The following ROBO1 variants were observed in gnomAD, a reference collection of about 807,000 sequenced individuals.
ROBO1 encodes roundabout homolog 1.
In ROBO1, 149 loss-of-function variants were observed where a neutral mutation model predicts 195.9. That is an observed-to-expected ratio of 0.76 (90% CI 0.67 to 0.87). The LOEUF is 0.87. ROBO1 is among the 40% of genes least tolerant of loss of function. ROBO1 has a pLI of 0.00. For synonymous variants in ROBO1, 816 were observed against 733.2 expected (o/e 1.11, Z -1.82); for missense variants, 1,933 against 2,068.3 (o/e 0.93, Z 1.27).
At position 78,598,139 on chromosome 3, in the gene ROBO1, ATTAC is replaced by A. The variant is rs1391122417; in HGVS notation, c.*770_*773del. On this transcript the variant is annotated 3_prime_UTR_variant, in exon 31 of 31. Coordinates refer to ENST00000464233, the MANE Select transcript of ROBO1 (RefSeq NM_002941.4). ...CACTTGTTTGTAATACGTATTTATA[ATTAC>A]TTTTTGATGATTGAAAAATAGAACA... 2 of 152,570 alleles carry A rather than the reference ATTAC, an allele frequency of 1.3e-5. No individual in the cohort carries two copies. The highest frequency in any genetic ancestry group is 4.8e-5 in the African/African-American group (2 of 41,440). 9.5% of individuals were successfully genotyped at this position (152,570 alleles called of 1,614,324 possible).
intron 2 of ROBO1, among the ~76,000 whole-genome samples, chr3:79,565,585 C>T (rs1576034289): frequency 1.3e-5 from 2 of 151,832 alleles, no homozygotes; most frequent in Admixed American, 1.3e-4. Context: ...ATTTTCTTAT[C>T]AAAGATCAGA....
At chr3:79,311,814 T>C (rs1311126898) in intron 2 of ROBO1, among the ~76,000 whole-genome samples, 1 of 152,188 alleles carries the variant, frequency 6.6e-6, no homozygotes, top group East Asian at 1.9e-4. Context: ...AATATTGCTA[T>C]ACTCCAGGGC....
intron 1 of ROBO1, among the ~76,000 whole-genome samples, chr3:79,643,040 A>C (rs891866748): frequency 1.3e-5 from 2 of 152,188 alleles, no homozygotes; most frequent in East Asian, 1.9e-4. Flanking sequence ...TGGGAGAGGC[A>C]GATCTACCCT....
Position 79,401,059 on chromosome 3 carries a change from T to C in ROBO1, c.88+188765A>G, listed in dbSNP as rs189069958. ...ATACTGATATCTATATGTATACCCATATTTAAATTTGAGATAAAGAAAATT... is the reference window on the plus strand; with the variant it reads ...ATACTGATATCTATATGTATACCCACATTTAAATTTGAGATAAAGAAAATT... On this transcript the variant is annotated intron_variant, in intron 2 of 30. Coordinates refer to ENST00000464233, the MANE Select transcript of ROBO1 (RefSeq NM_002941.4). Among the ~76,000 whole-genome samples, 602 of 151,990 alleles carry C rather than the reference T, an allele frequency of 4.0e-3. 8 individuals carry two copies. Among genetic ancestry groups the C allele is most frequent in the African/African-American group, 0.014 (576 of 41,534 alleles).
At chr3:78,776,345 G>C (rs761008222) in intron 4 of ROBO1, among the ~76,000 whole-genome samples, 4 of 152,072 alleles carry the variant, frequency 2.6e-5, no homozygotes, top group Non-Finnish European at 5.9e-5. Flanking sequence ...TCCACCTCCC[G>C]GGTTCAAGTG....
chr3:78,799,550 C>A (rs183715864), intron 4 of ROBO1, among the ~76,000 whole-genome samples: 1 of 152,006 alleles, frequency 6.6e-6, no homozygotes, highest in Non-Finnish European at 1.5e-5. Flanking sequence ...ACCGTGTTAG[C>A]CAGGATGGTC....
chr3:79,294,388 C>G (rs1402585344), intron 2 of ROBO1, among the ~76,000 whole-genome samples: 2 of 152,112 alleles, frequency 1.3e-5, no homozygotes, highest in Non-Finnish European at 2.9e-5. Flanking sequence ...GGAAAACTGG[C>G]TAGCCATAGG....
At chr3:78,768,094 T>C (rs1360734034) in intron 4 of ROBO1, among the ~76,000 whole-genome samples, 5 of 152,152 alleles carry the variant, frequency 3.3e-5, no homozygotes, top group East Asian at 1.9e-4. Flanking sequence ...CTGCCTTTGC[T>C]GTATCCCAGA....
intron 4 of ROBO1, among the ~76,000 whole-genome samples, chr3:78,750,322 G>C (rs191484115): frequency 6.6e-6 from 1 of 151,446 alleles, no homozygotes; most frequent in Admixed American, 6.6e-5. Flanking sequence ...GCTTGGTGGC[G>C]GGCACCTGTA....
At chr3:79,223,365 C>A (rs1311319151) in intron 2 of ROBO1, among the ~76,000 whole-genome samples, 10 of 152,112 alleles carry the variant, frequency 6.6e-5, no homozygotes, top group African/African-American at 2.4e-4. Flanking sequence ...TTTCATTTAA[C>A]CCTGCAGACA....
At chr3:79,049,139 TA>T (rs2078649451) in intron 3 of ROBO1, among the ~76,000 whole-genome samples, 1 of 152,066 alleles carries the variant, frequency 6.6e-6, no homozygotes, top group Non-Finnish European at 1.5e-5. Context: ...GCAATGAAGC[TA>T]AAAATCTTGA....
chr3:78,973,827 T>C (rs1183921498), intron 3 of ROBO1, among the ~76,000 whole-genome samples: 4 of 151,950 alleles, frequency 2.6e-5, no homozygotes, highest in African/African-American at 9.7e-5. Flanking sequence ...TGTTCTAAAG[T>C]TTTTATTCTA....
chr3:79,598,586 T>G (rs1306966775), intron 1 of ROBO1, among the ~76,000 whole-genome samples: 1 of 152,154 alleles, frequency 6.6e-6, no homozygotes, highest in East Asian at 1.9e-4. Context: ...CCTCCCCCAC[T>G]GCACAGTGGC....
At chr3:79,617,254 T>C (rs993842253) in intron 1 of ROBO1, among the ~76,000 whole-genome samples, 1 of 152,114 alleles carries the variant, frequency 6.6e-6, no homozygotes, top group Non-Finnish European at 1.5e-5. Context: ...CAGCTCTTAG[T>C]TGTAATTGCC....
At chr3:78,830,644 A>G (rs2108737226) in intron 4 of ROBO1, among the ~76,000 whole-genome samples, 1 of 152,290 alleles carries the variant, frequency 6.6e-6, no homozygotes. Flanking sequence ...AGGATTGGGG[A>G]AACCGTTTCC....
intron 2 of ROBO1, among the ~76,000 whole-genome samples, chr3:79,419,272 G>C (rs1318826474): frequency 6.6e-6 from 1 of 152,092 alleles, no homozygotes; most frequent in African/African-American, 2.4e-5. Context: ...TGCTTAATTA[G>C]ACAAAGAAGA....
At chr3:79,204,380 G>A (rs1290864927) in intron 2 of ROBO1, among the ~76,000 whole-genome samples, 3 of 151,904 alleles carry the variant, frequency 2.0e-5, no homozygotes, top group African/African-American at 7.3e-5. Flanking sequence ...AGTATCTAGT[G>A]TGTTGCCTCT....
At chr3:78,769,751 G>T (rs1345854521) in intron 4 of ROBO1, among the ~76,000 whole-genome samples, 1 of 151,278 alleles carries the variant, frequency 6.6e-6, no homozygotes, top group Non-Finnish European at 1.5e-5. Flanking sequence ...CCTTTAAGCA[G>T]TTTTCATAGT....
At position 78,598,774 on chromosome 3, in the gene ROBO1, A is replaced by G; in HGVS notation, c.*139T>C. On this transcript the variant is annotated 3_prime_UTR_variant, in exon 31 of 31. Transcript: ENST00000464233. ...AACCCAATAAAGTTTTTAAAATGAT[A>G]TCCCAATAAGAGGAATAAAAACGAC... The G allele has an allele frequency of 1.9e-6, 1 of 520,708 alleles. No individual in the cohort carries two copies. Among genetic ancestry groups the G allele is most frequent in the Non-Finnish European group, 3.4e-6 (1 of 290,030 alleles). 32.3% of individuals were successfully genotyped at this position (520,708 alleles called of 1,614,324 possible).
Sources: gnomAD v4.1 joint callset for allele counts (sites outside exome capture counted in the v4.1 genomes callset) on GRCh38, gnomAD v4.1.1 for gene constraint, MANE v1.5 for transcripts, NCBI Gene and HGNC (gene_info 2026-07-23, HGNC 2026-07-21) for gene names.